RGS6: variants seen among roughly 807,000 people sequenced by gnomAD.
The protein encoded by RGS6 is regulator of G protein signaling 6.
In RGS6, 30 loss-of-function variants were observed where a neutral mutation model predicts 78.5. That is an observed-to-expected ratio of 0.38 (90% CI 0.29 to 0.52). RGS6 has a LOEUF of 0.52. RGS6 is among the 20% of genes least tolerant of loss of function. The probability of loss-of-function intolerance (pLI) is 0.85; values close to 1 mark genes in which losing one functional copy is unlikely to be tolerated. For synonymous variants in RGS6, 206 were observed against 206.0 expected (o/e 1.00, Z 0.00); for missense variants, 495 against 609.7 (o/e 0.81, Z 1.98).
intron 2 of RGS6, among the ~76,000 whole-genome samples, chr14:72,030,641 G>T (rs750624357): frequency 4.0e-5 from 6 of 151,774 alleles, no homozygotes; most frequent in Non-Finnish European, 8.8e-5. Flanking sequence ...TTTCAGCCAT[G>T]ATGTGAATTA....
intron 13 of RGS6, among the ~76,000 whole-genome samples, chr14:72,508,562 C>CTTTTTTTTTTTTTTTTTT (rs61097187): frequency 3.5e-5 from 2 of 56,460 alleles, no homozygotes; most frequent in Non-Finnish European, 5.8e-5. Flanking sequence ...ACACAAGCTC[C>CTTTTTTTTTTTTTTTTTT]TTTTTTTTTT....
In RGS6 at chr14:72,007,225, A is replaced by T. The variant is rs886502437; in HGVS notation, c.84+42350A>T. Among the ~76,000 whole-genome samples the T allele has an allele frequency of 5.7e-4, 87 of 152,052 alleles. 1 individual carries two copies. The highest frequency in any genetic ancestry group is 1.2e-4 in the Non-Finnish European group (8 of 68,018). ...GAAACTGAAGGTAAAACTATTAAATAAAAAAGAGCCAGGACTTGCTGGTTT... is the reference window on the plus strand; with the variant it reads ...GAAACTGAAGGTAAAACTATTAAATTAAAAAGAGCCAGGACTTGCTGGTTT... On this transcript the variant is annotated intron_variant, in intron 2 of 17. Coordinates refer to ENST00000553525, the MANE Select transcript of RGS6 (RefSeq NM_001204424.2).
At chr14:72,072,940 C>T (rs2094457534) in intron 2 of RGS6, among the ~76,000 whole-genome samples, 2 of 152,218 alleles carry the variant, frequency 1.3e-5, no homozygotes. Context: ...GGATCACTCC[C>T]ATAAGCTCTG....
At chr14:72,209,370 A>G (rs1599559644) in intron 2 of RGS6, among the ~76,000 whole-genome samples, 1 of 147,844 alleles carries the variant, frequency 6.8e-6, no homozygotes, top group Admixed American at 6.9e-5. Flanking sequence ...GCTGTGTTTT[A>G]TAAATTTATA....
At chr14:72,572,641 A>G in the RGS6 span, among the ~76,000 whole-genome samples, 4 of 151,944 alleles carry the variant, frequency 2.6e-5, no homozygotes, top group Non-Finnish European at 4.4e-5. Context: ...CCTAGAGACA[A>G]CAAGGTGGGG....
At chr14:72,006,071 T>A (rs2084494156) in intron 2 of RGS6, among the ~76,000 whole-genome samples, 1 of 152,092 alleles carries the variant, frequency 6.6e-6, no homozygotes, top group Non-Finnish European at 1.5e-5. Flanking sequence ...AGGTAGGACA[T>A]GCAAAAAGAG....
intron 2 of RGS6, among the ~76,000 whole-genome samples, chr14:71,980,278 T>C (rs2153114784): frequency 8.3e-6 from 1 of 120,036 alleles, no homozygotes; most frequent in African/African-American, 3.3e-5. Context: ...GTTAATATTG[T>C]TATGTGTGAA....
intron 3 of RGS6, among the ~76,000 whole-genome samples, chr14:72,385,758 A>G (rs2087763235): frequency 6.6e-6 from 1 of 152,142 alleles, no homozygotes; most frequent in African/African-American, 2.4e-5. Flanking sequence ...TTTAGCCTTG[A>G]CTTTCACCTT....
At chr14:72,556,882 ATTG>A (rs1225478973) in intron 17 of RGS6, among the ~76,000 whole-genome samples, 13 of 152,112 alleles carry the variant, frequency 8.5e-5, no homozygotes, top group African/African-American at 3.1e-4. Flanking sequence ...AAATTGGGGT[ATTG>A]TTTTATGTTT....
chr14:72,009,205 G>A (rs1304025966), intron 2 of RGS6, among the ~76,000 whole-genome samples: 1 of 152,146 alleles, frequency 6.6e-6, no homozygotes, highest in Admixed American at 6.5e-5. Flanking sequence ...CAGAAAATTA[G>A]CCACGCATGG....
chr14:71,871,189 G>A, the RGS6 span, among the ~76,000 whole-genome samples: 472 of 152,204 alleles, frequency 3.1e-3, 3 homozygotes, highest in African/African-American at 0.011. Context: ...GGACTATTTG[G>A]TGAGTTCAGG....
At chr14:72,616,242 C>G in the RGS6 span, among the ~76,000 whole-genome samples, 1 of 152,164 alleles carries the variant, frequency 6.6e-6, no homozygotes, top group South Asian at 2.1e-4. Flanking sequence ...CAGTGTTGGT[C>G]GGAAAGTGAG....
intron 2 of RGS6, among the ~76,000 whole-genome samples, chr14:72,063,449 G>A (rs1214348894): frequency 6.6e-6 from 1 of 152,162 alleles, no homozygotes; most frequent in Non-Finnish European, 1.5e-5. Flanking sequence ...TTGGGTGGGG[G>A]CACAAGCTTG....
At chr14:72,077,615 T>A (rs1415296470) in intron 2 of RGS6, among the ~76,000 whole-genome samples, 1 of 152,218 alleles carries the variant, frequency 6.6e-6, no homozygotes, top group Non-Finnish European at 1.5e-5. Context: ...TAATTCTGTT[T>A]CTTTAATCTG....
the RGS6 span, chr14:71,908,143 CT>C: frequency 4.6e-5 from 7 of 152,236 alleles, no homozygotes; most frequent in African/African-American, 1.7e-4. Context: ...CTTCTAATGT[CT>C]GCAAACTTCT....
At chr14:72,106,404 C>A (rs576752703) in intron 2 of RGS6, among the ~76,000 whole-genome samples, 2 of 152,274 alleles carry the variant, frequency 1.3e-5, no homozygotes, top group African/African-American at 4.8e-5. Flanking sequence ...TTTTAACAGG[C>A]TCTTCCGAAG....
chr14:72,019,875 GAA>G (rs1410148110), intron 2 of RGS6, among the ~76,000 whole-genome samples: 10 of 152,264 alleles, frequency 6.6e-5, no homozygotes, highest in African/African-American at 2.2e-4. Context: ...GATTTGAATT[GAA>G]AGACAGCCTT....
At chr14:72,242,507 A>C (rs1377623954) in intron 2 of RGS6, among the ~76,000 whole-genome samples, 1 of 152,176 alleles carries the variant, frequency 6.6e-6, no homozygotes, top group Non-Finnish European at 1.5e-5. Flanking sequence ...ATTTATTTTA[A>C]CATCACAAAT....
intron 2 of RGS6, among the ~76,000 whole-genome samples, chr14:72,295,945 C>T (rs2064723468): frequency 6.6e-6 from 1 of 152,220 alleles, no homozygotes; most frequent in Non-Finnish European, 1.5e-5. Flanking sequence ...GTTGACTATA[C>T]TTACGTAACC....
Sources: gnomAD v4.1 joint callset for allele counts (sites outside exome capture counted in the v4.1 genomes callset) on GRCh38, gnomAD v4.1.1 for gene constraint, MANE v1.5 for transcripts, NCBI Gene and HGNC (gene_info 2026-07-23, HGNC 2026-07-21) for gene names.